RYR3: variants seen among roughly 807,000 people sequenced by gnomAD.
The protein encoded by RYR3 is ryanodine receptor 3.
A neutral mutation model predicts 584.3 loss-of-function variants in RYR3; 207 were observed. The ratio of observed to expected loss-of-function variants is 0.35; its 90% confidence interval spans 0.32 to 0.40. RYR3 has a LOEUF of 0.40. Among genes scored for constraint, RYR3 ranks in the 10% least tolerant of loss-of-function variants. The pLI is 1.00. For missense variants in RYR3, 5,616 were observed against 6,089.2 expected, an observed-to-expected ratio of 0.92 and a Z score of 2.59; for synonymous variants, 2,416 against 2,248.5, an observed-to-expected ratio of 1.07 and a Z score of -2.11.
chr15:33,422,685 T>C (rs1326746965), intron 1 of RYR3, among the ~76,000 whole-genome samples: 1 of 152,096 alleles, frequency 6.6e-6, no homozygotes, highest in Admixed American at 6.5e-5. Context: ...CTGGGACTCT[T>C]CTGTATCGTG....
At chr15:33,639,519 G>A (rs946271226) in intron 27 of RYR3, among the ~76,000 whole-genome samples, 5 of 152,174 alleles carry the variant, frequency 3.3e-5, no homozygotes, top group African/African-American at 1.2e-4. Context: ...AAAAGCATCT[G>A]TTGAAAATAA....
intron 47 of RYR3, among the ~76,000 whole-genome samples, chr15:33,729,897 C>T (rs1457688522): frequency 6.6e-6 from 1 of 152,106 alleles, no homozygotes; most frequent in Non-Finnish European, 1.5e-5. Flanking sequence ...AATACCTTAA[C>T]TTGGATGGAT....
At position 33,332,516 on chromosome 15, in the gene RYR3, G is replaced by C. The variant is rs546530861; in HGVS notation, c.51+21420G>C. On this transcript the variant is annotated intron_variant, in intron 1 of 103. Coordinates refer to ENST00000634891, the MANE Select transcript of RYR3 (RefSeq NM_001036.6). Reference sequence around the variant, plus strand: ...CATACTATTTTTAAGCACACACACAGAAATTATAAAAAGTGATCATGTACC... The same window carrying C: ...CATACTATTTTTAAGCACACACACACAAATTATAAAAAGTGATCATGTACC... 1.5e-4 allele frequency among the ~76,000 whole-genome samples: 23 copies of C among 152,052 alleles called. No homozygotes were observed. The South Asian group carries it at 4.6e-3, about 30-fold the overall frequency.
chr15:33,764,789 T>G (rs1284616208), intron 60 of RYR3, among the ~76,000 whole-genome samples: 1 of 152,090 alleles, frequency 6.6e-6, no homozygotes, highest in Non-Finnish European at 1.5e-5. Flanking sequence ...ATCCAGCACT[T>G]TGGGAGGCCA....
chr15:33,546,240 T>C (rs967784143), intron 8 of RYR3, among the ~76,000 whole-genome samples: 3 of 152,174 alleles, frequency 2.0e-5, no homozygotes, highest in African/African-American at 7.2e-5. Flanking sequence ...CAGCGCTGTT[T>C]CACCTGTGAC....
Position 33,848,335 on chromosome 15 carries a change from G to A in RYR3, c.13542G>A (p.Lys4514=), listed in dbSNP as rs1461689096. Residue 4514 remains lysine (K), a synonymous_variant, in exon 94 of 104, where the codon AAG becomes AAA. Transcript: ENST00000634891. ...VFKREKEIAR[K]LEFDGLYITE... is the part of the protein sequence containing the mutation. ...AAAGGGAAAAAGAAATCGCCAGGAAGCTGGAGTTTGATGGCCTATATATCA... is the reference window on the plus strand; with the variant it reads ...AAAGGGAAAAAGAAATCGCCAGGAAACTGGAGTTTGATGGCCTATATATCA... The A allele has an allele frequency of 6.2e-7, 1 of 1,613,852 alleles. No individual in the cohort carries two copies. Among genetic ancestry groups the A allele is most frequent in the Non-Finnish European group, 8.5e-7 (1 of 1,179,892 alleles).
intron 93 of RYR3, among the ~76,000 whole-genome samples, chr15:33,848,021 G>A (rs1322287549): frequency 6.6e-6 from 1 of 152,202 alleles, no homozygotes; most frequent in Non-Finnish European, 1.5e-5. Context: ...CTGCACACTA[G>A]CATGGGTCAA....
intron 102 of RYR3, among the ~76,000 whole-genome samples, chr15:33,863,733 C>G (rs2153025256): frequency 6.6e-6 from 1 of 152,316 alleles, no homozygotes; most frequent in Middle Eastern, 3.4e-3. Context: ...ATTCTTGAGA[C>G]ACACACATAA....
At chr15:33,627,486 T>A (rs2061052993) in intron 20 of RYR3, among the ~76,000 whole-genome samples, 1 of 151,952 alleles carries the variant, frequency 6.6e-6, no homozygotes, top group Non-Finnish European at 1.5e-5. Context: ...GGAAGGTGGG[T>A]GTGTGGTGGA....
chr15:33,588,656 G>C (rs923248849), intron 16 of RYR3, among the ~76,000 whole-genome samples: 1 of 152,020 alleles, frequency 6.6e-6, no homozygotes, highest in Admixed American at 6.6e-5. Flanking sequence ...CTCTATGTCC[G>C]CATCTCCACA....
chr15:33,796,859 A>G (rs1409185757), intron 67 of RYR3, among the ~76,000 whole-genome samples: 3 of 152,242 alleles, frequency 2.0e-5, no homozygotes, highest in African/African-American at 4.8e-5. Context: ...CCAAGCATCT[A>G]TCAATGGATG....
At chr15:33,666,803 A>T (rs2063516255) in intron 36 of RYR3, among the ~76,000 whole-genome samples, 1 of 152,184 alleles carries the variant, frequency 6.6e-6, no homozygotes, top group African/African-American at 2.4e-5. Context: ...CACTTCCAAG[A>T]GGACGTTATT....
chr15:33,662,297 C>A lies in RYR3; in HGVS notation c.4767C>A (p.Leu1589=). ...ALCSHVDLSQ[L]FYAIDNKYLP... ...GCAGCCACGTGGACCTCTCCCAGCTCTTCTATGCCATTGACAACAAGTACC... is the reference window on the plus strand; with the variant it reads ...GCAGCCACGTGGACCTCTCCCAGCTATTCTATGCCATTGACAACAAGTACC... Residue 1589 remains leucine (L), a synonymous_variant, in exon 35 of 104, where the codon CTC becomes CTA. Transcript: ENST00000634891. 1.2e-6 allele frequency: 2 copies of A among 1,611,502 alleles called. No individual in the cohort carries two copies. The highest frequency in any genetic ancestry group is 2.2e-5 in the South Asian group (2 of 90,234).
At chr15:33,504,024 A>C (rs186908814) in intron 3 of RYR3, among the ~76,000 whole-genome samples, 15 of 152,350 alleles carry the variant, frequency 9.8e-5, no homozygotes, top group African/African-American at 2.9e-4. Context: ...AGAATTCACC[A>C]GCGAATGTGG....
chr15:33,669,898 T>TGTGG (rs2063740659), intron 37 of RYR3, among the ~76,000 whole-genome samples: 1 of 139,928 alleles, frequency 7.1e-6, no homozygotes, highest in African/African-American at 2.7e-5. Context: ...TGTGTGTGTG[T>TGTGG]GTGTGTTTAG....
intron 1 of RYR3, among the ~76,000 whole-genome samples, chr15:33,369,830 G>A (rs1326428117): frequency 5.3e-5 from 8 of 152,168 alleles, no homozygotes; most frequent in Non-Finnish European, 8.8e-5. Context: ...GTCACATTCT[G>A]CCTTATGTGT....
At chr15:33,800,965 C>G (rs765174292) in intron 68 of RYR3, 108 bp downstream of exon 68, 39 of 827,756 alleles carry the variant, frequency 4.7e-5, no homozygotes, top group East Asian at 7.7e-5. Context: ...GAAATGTATT[C>G]TGAGCCACAT....
At chr15:33,657,912 A>T (rs1230600402) in intron 32 of RYR3, among the ~76,000 whole-genome samples, 1 of 152,254 alleles carries the variant, frequency 6.6e-6, no homozygotes, top group Non-Finnish European at 1.5e-5. Flanking sequence ...GCAATCTTCT[A>T]AGTCACAGCC....
chr15:33,627,016 T>C (rs1340611324), intron 20 of RYR3, among the ~76,000 whole-genome samples: 1 of 152,136 alleles, frequency 6.6e-6, no homozygotes, highest in Non-Finnish European at 1.5e-5. Context: ...CTAGTGGAGC[T>C]GTGAGAAGAG....
Sources: allele counts gnomAD v4.1 joint callset (sites outside exome capture counted in the v4.1 genomes callset), GRCh38; gene constraint gnomAD v4.1.1; transcripts MANE v1.5; gene names NCBI Gene and HGNC (gene_info 2026-07-23, HGNC 2026-07-21).